Variants in SLC8A3 observed in about 807,000 individuals in gnomAD.
SLC8A3 encodes the protein sodium/calcium exchanger 3.
SLC8A3 carries 37 observed loss-of-function variants against 65.4 expected under a neutral mutation model. The ratio of observed to expected loss-of-function variants is 0.57; its 90% CI spans 0.44 to 0.74. SLC8A3 has a LOEUF of 0.74. Ranked by LOEUF, SLC8A3 falls within the 30% of genes least tolerant of loss-of-function variation. The pLI is 0.00. For missense variants in SLC8A3, 1,112 were observed against 1,172.1 expected, an observed-to-expected ratio of 0.95 and a Z score of 0.75; for synonymous variants, 461 against 444.5, an observed-to-expected ratio of 1.04 and a Z score of -0.47.
chr14:70,137,353 A>G (rs1895270127), intron 2 of SLC8A3, among the ~76,000 whole-genome samples: 1 of 152,000 alleles, frequency 6.6e-6, no homozygotes, highest in South Asian at 2.1e-4. Context: ...GGGTTTCACC[A>G]TGTTGGTCTT....
At chr14:70,092,733 TGA>T (rs1891890769) in intron 2 of SLC8A3, among the ~76,000 whole-genome samples, 1 of 152,130 alleles carries the variant, frequency 6.6e-6, no homozygotes, top group African/African-American at 2.4e-5. Flanking sequence ...GGAACCAGTT[TGA>T]GAGAAAAAAG....
At chr14:70,077,143 A>AT (rs369210825) in intron 2 of SLC8A3, among the ~76,000 whole-genome samples, 103 of 151,008 alleles carry the variant, frequency 6.8e-4, no homozygotes, top group Non-Finnish European at 6.8e-4. Context: ...CAATAAAGTG[A>AT]TTTTTTTTTT....
chr14:70,063,755 G>T (rs764521058), intron 2 of SLC8A3: 21 of 872,504 alleles, frequency 2.4e-5, no homozygotes, highest in Non-Finnish European at 4.0e-5. Flanking sequence ...AGACAAATGG[G>T]TTGGAGAGGA....
intron 2 of SLC8A3, among the ~76,000 whole-genome samples, chr14:70,149,681 A>G (rs1896141984): frequency 6.6e-6 from 1 of 152,162 alleles, no homozygotes; most frequent in African/African-American, 2.4e-5. Context: ...CTCCAGCCCC[A>G]GAGTCCCACT....
chr14:70,141,674 C>G (rs965946244), intron 2 of SLC8A3, among the ~76,000 whole-genome samples: 2 of 152,198 alleles, frequency 1.3e-5, no homozygotes, highest in Non-Finnish European at 2.9e-5. Flanking sequence ...ACAAGCTCCC[C>G]TCAGACTTAG....
At chr14:70,185,493 A>T (rs1883127418) in intron 1 of SLC8A3, among the ~76,000 whole-genome samples, 1 of 152,214 alleles carries the variant, frequency 6.6e-6, no homozygotes, top group African/African-American at 2.4e-5. Flanking sequence ...TATCGGCTTT[A>T]GGGTCCCATC....
chr14:70,098,482 G>T (rs1381215538), intron 2 of SLC8A3, among the ~76,000 whole-genome samples: 1 of 152,312 alleles, frequency 6.6e-6, no homozygotes, highest in Admixed American at 6.5e-5. Flanking sequence ...GCAGAAGAAA[G>T]TGTCTGCGAG....
chr14:70,155,463 G>A (rs1258636516), intron 2 of SLC8A3, among the ~76,000 whole-genome samples: 1 of 152,148 alleles, frequency 6.6e-6, no homozygotes, highest in Non-Finnish European at 1.5e-5. Context: ...ACATATGAGT[G>A]AGAATATGTG....
intron 2 of SLC8A3, among the ~76,000 whole-genome samples, chr14:70,065,990 C>A (rs1889380242): frequency 6.6e-6 from 1 of 152,230 alleles, no homozygotes; most frequent in South Asian, 2.1e-4. Context: ...AAGCTCTGGG[C>A]TGGACAGACA....
In SLC8A3 at chr14:70,094,662, G is replaced by T. The variant is rs570674250; in HGVS notation, c.1785-33723C>A. Among the ~76,000 whole-genome samples the T allele has an allele frequency of 1.2e-4, 18 of 152,320 alleles. No individual in the cohort carries two copies. In the South Asian group the frequency reaches 3.5e-3, roughly 30 times the overall value. ...TTGAGGGAGGAGTGGGGTTCAGTTT[G>T]TCAGCCTGCTCAGGATGAAGACAGA... On this transcript the variant is annotated intron_variant, in intron 2 of 6. Transcript: ENST00000356921.
chr14:70,159,410 CA>C (rs5809471), intron 2 of SLC8A3, among the ~76,000 whole-genome samples: 104,713 of 133,880 alleles, frequency 0.78, 40,290 homozygotes, highest in East Asian at 0.95. Context: ...AAGACTCTGT[CA>C]AAAAAAAAAA....
At chr14:70,179,430 T>C (rs1321115948) in intron 1 of SLC8A3, among the ~76,000 whole-genome samples, 1 of 152,200 alleles carries the variant, frequency 6.6e-6, no homozygotes, top group Non-Finnish European at 1.5e-5. Context: ...GAGGGAGTAC[T>C]CAGTAAGTAT....
At chr14:70,080,357 T>G in intron 2 of SLC8A3, 2 of 389,396 alleles carry the variant, frequency 5.1e-6, no homozygotes, top group Non-Finnish European at 7.0e-6. Context: ...TGTTCCTGGC[T>G]GGTACTCTCC....
At chr14:70,073,966 C>T (rs1890244339) in intron 2 of SLC8A3, among the ~76,000 whole-genome samples, 1 of 152,220 alleles carries the variant, frequency 6.6e-6, no homozygotes, top group East Asian at 1.9e-4. Flanking sequence ...ATTGCTGTCC[C>T]TGGGCTGAGC....
At chr14:70,164,904 T>G (rs1326863605) in intron 2 of SLC8A3, among the ~76,000 whole-genome samples, 2 of 152,240 alleles carry the variant, frequency 1.3e-5, no homozygotes, top group Non-Finnish European at 1.5e-5. Flanking sequence ...TATAAATGGA[T>G]AGTATTCTCC....
At chr14:70,160,358 T>C (rs1896812237) in intron 2 of SLC8A3, among the ~76,000 whole-genome samples, 1 of 152,054 alleles carries the variant, frequency 6.6e-6, no homozygotes, top group African/African-American at 2.4e-5. Flanking sequence ...GGCAGGAGAA[T>C]TGCTTGAACC....
chr14:70,167,740 A>G lies in SLC8A3; in HGVS notation c.683T>C (p.Val228Ala), dbSNP rs376561261. Reference protein sequence around the residue: ...YMILAVFSPGVVQVWEGLLTL... With the variant: ...YMILAVFSPGAVQVWEGLLTL... ...GAGGAGGCCTTCCCAAACCTGGACC[A>G]CACCAGGGGAGAAGACTGCCAGAAT... Residue 228 changes from valine to alanine, a missense_variant, in exon 2 of 7, where the codon GTG (valine) becomes GCG (alanine). Val to Ala is a moderately conservative substitution (Grantham distance 64). Transcript: ENST00000356921. 1.2e-6 allele frequency: 2 copies of G among 1,614,058 alleles called. No individual in the cohort carries two copies. The highest frequency in any genetic ancestry group is 1.7e-6 in the Non-Finnish European group (2 of 1,180,034).
intron 2 of SLC8A3, among the ~76,000 whole-genome samples, chr14:70,086,401 C>CTTTTTTTTTTTTTTTTTTT (rs10605312): frequency 3.4e-5 from 4 of 116,144 alleles, no homozygotes; most frequent in Non-Finnish European, 3.6e-5. Flanking sequence ...TTTCTTTTTT[C>CTTTTTTTTTTTTTTTTTTT]TTTTTTTTTT....
chr14:70,102,349 A>C (rs1255828261), intron 2 of SLC8A3, among the ~76,000 whole-genome samples: 1 of 152,248 alleles, frequency 6.6e-6, no homozygotes, highest in Non-Finnish European at 1.5e-5. Flanking sequence ...TAGTAATTTA[A>C]CTACTTCCAG....
Sources: allele counts gnomAD v4.1 joint callset (sites outside exome capture counted in the v4.1 genomes callset), GRCh38; gene constraint gnomAD v4.1.1; transcripts MANE v1.5; gene names NCBI Gene and HGNC (gene_info 2026-07-23, HGNC 2026-07-21).